The following TENM3 variants were observed in gnomAD, a reference collection of about 807,000 sequenced individuals.
The protein encoded by TENM3 is teneurin-3.
TENM3 carries 63 observed loss-of-function variants against 255.1 expected under a neutral mutation model. The observed-to-expected ratio is 0.25, with a 90% CI of 0.20 to 0.30. The LOEUF (loss-of-function observed/expected upper bound fraction) is 0.30. Ranked by LOEUF, TENM3 falls within the 10% of genes least tolerant of loss-of-function variation. The pLI, the probability that TENM3 is intolerant of heterozygous loss-of-function variation, is 1.00. For synonymous variants in TENM3, 1,306 were observed against 1,322.3 expected (o/e 0.99, Z 0.27); for missense variants, 2,929 against 3,461.1 (o/e 0.85, Z 3.86).
the TENM3 span, among the ~76,000 whole-genome samples, chr4:181,939,714 C>T: frequency 2.0e-5 from 3 of 152,166 alleles, no homozygotes; most frequent in African/African-American, 4.8e-5. Flanking sequence ...GGGTGCGGGG[C>T]GCTCAGCACA....
the TENM3 span, among the ~76,000 whole-genome samples, chr4:181,483,950 A>G: frequency 2.6e-5 from 4 of 152,180 alleles, no homozygotes; most frequent in Admixed American, 2.6e-4. Context: ...CATAGAATAC[A>G]TATTTAAAGC....
chr4:181,884,888 T>C, the TENM3 span, among the ~76,000 whole-genome samples: 2 of 152,260 alleles, frequency 1.3e-5, no homozygotes, highest in South Asian at 4.1e-4. Context: ...GAGACTTTCA[T>C]TGCAAGCAAT....
At chr4:182,625,427 G>A (rs1356939500) in intron 4 of TENM3, among the ~76,000 whole-genome samples, 2 of 152,156 alleles carry the variant, frequency 1.3e-5, no homozygotes, top group African/African-American at 4.8e-5. Context: ...GAGGTTGTGC[G>A]AGAATCTAAT....
chr4:182,167,850 C>G (rs1052752352), intron 1 of TENM3, among the ~76,000 whole-genome samples: 1 of 152,134 alleles, frequency 6.6e-6, no homozygotes, highest in African/African-American at 2.4e-5. Context: ...TGCCACTGTG[C>G]TCCAGCCTGG....
rs1029118513 is a variant in TENM3 at position 182,382,871 on chromosome 4, C to T, written c.511+35942C>T. Among the ~76,000 whole-genome samples the T allele has an allele frequency of 4.6e-4, 70 of 152,256 alleles. 1 individual carries two copies. Among genetic ancestry groups the T allele is most frequent in the Admixed American group, 4.4e-3 (67 of 15,298 alleles). On this transcript the variant is annotated intron_variant, in intron 3 of 27. Coordinates refer to ENST00000511685, the MANE Select transcript of TENM3 (RefSeq NM_001080477.4). ...TACCTGATGCCAGACTCTGGTGGTTCCTCGACCCATGATGTTCAGGCTGAT... is the reference window on the plus strand; with the variant it reads ...TACCTGATGCCAGACTCTGGTGGTTTCTCGACCCATGATGTTCAGGCTGAT...
At chr4:181,872,827 C>A in the TENM3 span, among the ~76,000 whole-genome samples, 2 of 152,122 alleles carry the variant, frequency 1.3e-5, no homozygotes, top group African/African-American at 4.8e-5. Flanking sequence ...GTCCTCAGCT[C>A]CTCTAACAAA....
chr4:181,898,688 A>T, the TENM3 span, among the ~76,000 whole-genome samples: 1 of 152,130 alleles, frequency 6.6e-6, no homozygotes, highest in Admixed American at 6.6e-5. Context: ...ACCCCTTTCT[A>T]CATTTCTGTT....
intron 3 of TENM3, among the ~76,000 whole-genome samples, chr4:182,405,081 A>T (rs568409012): frequency 6.6e-6 from 1 of 152,246 alleles, no homozygotes; most frequent in African/African-American, 2.4e-5. Flanking sequence ...GTGTATGAGA[A>T]ATCAAACCCA....
chr4:181,741,692 T>A, the TENM3 span, among the ~76,000 whole-genome samples: 3 of 152,120 alleles, frequency 2.0e-5, no homozygotes, highest in Non-Finnish European at 4.4e-5. Context: ...CATCATTCAT[T>A]ACGAAATGGG....
the TENM3 span, among the ~76,000 whole-genome samples, chr4:181,825,416 A>C: frequency 4.0e-5 from 6 of 151,056 alleles, no homozygotes; most frequent in African/African-American, 9.7e-5. Flanking sequence ...AAAAAAAAAA[A>C]AAAAAAAAAA....
chr4:181,598,182 T>G, the TENM3 span, among the ~76,000 whole-genome samples: 1 of 152,236 alleles, frequency 6.6e-6, no homozygotes, highest in Non-Finnish European at 1.5e-5. Flanking sequence ...TACTTTTTCT[T>G]CTACATTTCT....
chr4:181,470,127 A>AAAAAAG, the TENM3 span, among the ~76,000 whole-genome samples: 6 of 138,974 alleles, frequency 4.3e-5, no homozygotes, highest in Middle Eastern at 3.8e-3. Flanking sequence ...AAAAAAAAAC[A>AAAAAAG]TTATTCAAAA....
the TENM3 span, among the ~76,000 whole-genome samples, chr4:182,059,680 G>A: frequency 6.0e-5 from 9 of 150,434 alleles, no homozygotes; most frequent in African/African-American, 1.2e-4. Flanking sequence ...AGGCCAAGGC[G>A]GGAGGATTGC....
intron 1 of TENM3, among the ~76,000 whole-genome samples, chr4:182,253,176 G>T (rs1234398488): frequency 6.6e-6 from 1 of 152,172 alleles, no homozygotes; most frequent in Non-Finnish European, 1.5e-5. Context: ...TCCCCAGTAA[G>T]AATTATACCA....
chr4:181,524,500 C>A, the TENM3 span, among the ~76,000 whole-genome samples: 220 of 152,288 alleles, frequency 1.4e-3, 8 homozygotes, highest in South Asian at 0.042. Context: ...TTTGATTAAT[C>A]AGTTCCTAGC....
the TENM3 span, among the ~76,000 whole-genome samples, chr4:181,897,156 A>G: frequency 1.3e-5 from 2 of 152,028 alleles, no homozygotes; most frequent in African/African-American, 2.4e-5. Context: ...GCTATTTTTC[A>G]CTAGTTCTGC....
At chr4:181,716,054 T>G in the TENM3 span, among the ~76,000 whole-genome samples, 1 of 152,160 alleles carries the variant, frequency 6.6e-6, no homozygotes, top group Non-Finnish European at 1.5e-5. Flanking sequence ...ATACTACTAT[T>G]CATGTGTAAC....
intron 22 of TENM3, among the ~76,000 whole-genome samples, chr4:182,758,721 G>A (rs1395947216): frequency 6.6e-6 from 1 of 152,074 alleles, no homozygotes; most frequent in African/African-American, 2.4e-5. Flanking sequence ...AGTTCACAAA[G>A]AAGGGATTTG....
chr4:181,997,468 G>A, the TENM3 span, among the ~76,000 whole-genome samples: 1 of 152,130 alleles, frequency 6.6e-6, no homozygotes, highest in Non-Finnish European at 1.5e-5. Flanking sequence ...TTGGCCTCAT[G>A]TTCTCCCAAG....
Sources: gnomAD v4.1 joint callset for allele counts (sites outside exome capture counted in the v4.1 genomes callset) on GRCh38, gnomAD v4.1.1 for gene constraint, MANE v1.5 for transcripts, NCBI Gene and HGNC (gene_info 2026-07-23, HGNC 2026-07-21) for gene names.